Variants in WBP2NL observed in about 807,000 individuals in gnomAD.
WBP2NL encodes WBP2 N-terminal like.
WBP2NL carries 27 observed loss-of-function variants against 23.3 expected under a neutral mutation model. The observed-to-expected ratio is 1.16, with a 90% CI of 0.85 to 1.60. The LOEUF (loss-of-function observed/expected upper bound fraction) is 1.60, where lower values mean the gene tolerates loss of function less well. WBP2NL is among the 40% of genes most tolerant of loss of function. WBP2NL has a pLI of 0.00. For missense variants in WBP2NL, 370 were observed against 389.5 expected (o/e 0.95, Z 0.42); for synonymous variants, 151 against 145.9 (o/e 1.03, Z -0.25).
Position 42,052,845 on chromosome 22 carries a change from T to G in WBP2NL, c.*274-5445T>G, listed in dbSNP as rs565688890. On this transcript the variant is annotated intron_variant and NMD_transcript_variant, in intron 8 of 8. Transcript: ENST00000436265. ...CCTGGATCCTTGAACAGCAGCTAAT[T>G]GTAGGCTCTCTGTATACCTGAAAGG... 1.4e-4 allele frequency among the ~76,000 whole-genome samples: 22 copies of G among 152,224 alleles called. No individual in the cohort carries two copies. In the South Asian group the frequency reaches 4.4e-3, roughly 30 times the overall value.
chr22:42,036,086 A>G (rs892545822), downstream of WBP2NL, among the ~76,000 whole-genome samples: 9 of 152,192 alleles, frequency 5.9e-5, no homozygotes, highest in African/African-American at 2.2e-4. Context: ...GGTTGTTTCC[A>G]TATCTTGACT....
chr22:42,035,263 G>A (rs1165515861), downstream of WBP2NL, among the ~76,000 whole-genome samples: 10 of 152,232 alleles, frequency 6.6e-5, no homozygotes, highest in Admixed American at 2.6e-4. Flanking sequence ...CTGACTTCCC[G>A]CAACAAGGGG....
Position 42,049,705 on chromosome 22 carries a change from C to CAAAA in WBP2NL, c.*274-8562_*274-8559dup, listed in dbSNP as rs1158837575. Among the ~76,000 whole-genome samples, 90 of 37,468 alleles carry CAAAA rather than the reference C, an allele frequency of 2.4e-3. 1 individual carries two copies. Among genetic ancestry groups the CAAAA allele is most frequent in the Middle Eastern group, 0.025 (1 of 40 alleles). The allele number at this position is 37,468 out of a possible 152,430, so 24.6% of individuals were successfully genotyped here. ...ACTCCGTCTCCAAAACAAAACAAAACAAAAAAAAAAAAAAAAAAAAAAAAA... is the reference window on the plus strand; with the variant it reads ...ACTCCGTCTCCAAAACAAAACAAAACAAAAAAAAAAAAAAAAAAAAAAAAAAAAA... On this transcript the variant is annotated intron_variant and NMD_transcript_variant, in intron 8 of 8. Coordinates refer to the WBP2NL transcript ENST00000436265.
At chr22:42,034,984 T>C (rs140051516), downstream of WBP2NL, among the ~76,000 whole-genome samples, 7,657 of 152,174 alleles carry the variant, frequency 0.05, 660 homozygotes, top group African/African-American at 0.17. Flanking sequence ...TTAACGCAAT[T>C]ATTACAGGGT....
chr22:42,057,767 A>G (rs1426814156), intron 8 of WBP2NL, among the ~76,000 whole-genome samples: 2 of 147,518 alleles, frequency 1.4e-5, no homozygotes, highest in African/African-American at 2.5e-5. Flanking sequence ...CTGAACATAG[A>G]TTGGTTATTA....
At chr22:42,001,722 G>A (rs1921710987) in intron 1 of WBP2NL, 1 of 1,214,550 alleles carries the variant, frequency 8.2e-7, no homozygotes, top group Admixed American at 1.7e-5. Context: ...GCCTGGGTGG[G>A]GGAAGTATCT....
At chr22:42,051,542 A>G (rs937748090) in intron 8 of WBP2NL, among the ~76,000 whole-genome samples, 1 of 152,228 alleles carries the variant, frequency 6.6e-6, no homozygotes, top group African/African-American at 2.4e-5. Flanking sequence ...AGTACTATCA[A>G]TTATAACAAA....
chr22:42,033,611 G>C (rs1240847233), downstream of WBP2NL, among the ~76,000 whole-genome samples: 1 of 152,130 alleles, frequency 6.6e-6, no homozygotes, highest in Non-Finnish European at 1.5e-5. Context: ...AGGCCTTGGA[G>C]TGGGTAGCTC....
intron 5 of WBP2NL, among the ~76,000 whole-genome samples, chr22:42,024,378 T>TA (rs1363839093): frequency 6.6e-6 from 1 of 152,222 alleles, no homozygotes; most frequent in African/African-American, 2.4e-5. Flanking sequence ...TTCTGGGTCA[T>TA]ATGTAAATTC....
chr22:42,019,857 G>C, intron 3 of WBP2NL, 54 bp downstream of exon 3: 1 of 1,606,250 alleles, frequency 6.2e-7, no homozygotes, highest in Middle Eastern at 1.7e-4. Context: ...TCTTCTAAAA[G>C]GTTTAAGATT....
chr22:42,042,704 G>T (rs1925439808), intron 8 of WBP2NL, among the ~76,000 whole-genome samples: 1 of 152,162 alleles, frequency 6.6e-6, no homozygotes. Context: ...CTTTGGTGTT[G>T]TCATGTTTCC....
At chr22:42,019,145 C>T (rs926546568) in intron 1 of WBP2NL, among the ~76,000 whole-genome samples, 166 bp from the exon 2 acceptor site, 10 of 151,452 alleles carry the variant, frequency 6.6e-5, no homozygotes, top group South Asian at 2.1e-4. Flanking sequence ...GGTGTGAACC[C>T]GGGAGGCGGA....
chr22:42,031,380 A>G (rs1010369110), downstream of WBP2NL: 9 of 152,096 alleles, frequency 5.9e-5, no homozygotes, highest in Non-Finnish European at 1.0e-4. Flanking sequence ...TCAGCTCCTC[A>G]CTGACGTTTT....
chr22:42,021,859 C>T (rs1158474043), intron 4 of WBP2NL, among the ~76,000 whole-genome samples: 3 of 149,770 alleles, frequency 2.0e-5, no homozygotes, highest in Non-Finnish European at 4.4e-5. Context: ...TGCAGTGGCA[C>T]AGATAAGGCT....
At position 42,027,061 on chromosome 22, in the gene WBP2NL, T is replaced by C. The variant is rs1480048192; in HGVS notation, c.810T>C (p.Pro270=). Residue 270 remains proline, a synonymous_variant, in exon 6 of 6, where the codon CCT becomes CCC. Coordinates refer to ENST00000328823, the MANE Select transcript of WBP2NL (RefSeq NM_152613.3). ...CACCTGCAGGAAATGAAGGCCCGCC[T>C]GCGGGATACAGAGCCTCACCTGCTG... is the stretch of plus-strand genomic sequence containing the variant. ...GAPPAGNEGP[P]AGYRASPAGS... The C allele has an allele frequency of 3.1e-6, 5 of 1,614,220 alleles. No individual in the cohort carries two copies. The East Asian group carries it at 1.1e-4, about 36-fold the overall frequency.
intron 1 of WBP2NL, among the ~76,000 whole-genome samples, chr22:42,012,527 T>C (rs981863320): frequency 6.6e-6 from 1 of 152,216 alleles, no homozygotes; most frequent in African/African-American, 2.4e-5. Flanking sequence ...GTGCTGTTGA[T>C]TTCTAGTTTC....
chr22:42,044,145 G>T (rs1925497243), intron 8 of WBP2NL, among the ~76,000 whole-genome samples: 1 of 152,168 alleles, frequency 6.6e-6, no homozygotes, highest in Non-Finnish European at 1.5e-5. Context: ...TTGCTCTCCT[G>T]TTTCACCAAG....
At chr22:42,058,322 C>G (rs1278891063) in exon 9 of WBP2NL, 1 of 151,942 alleles carries the variant, frequency 6.6e-6, no homozygotes, top group Non-Finnish European at 1.5e-5. Context: ...AGAGCATGTG[C>G]AGGAAGAGAG....
chr22:42,010,309 C>T (rs183488684), intron 1 of WBP2NL, among the ~76,000 whole-genome samples: 24 of 152,062 alleles, frequency 1.6e-4, no homozygotes, highest in African/African-American at 5.8e-4. Flanking sequence ...TTATTTTTTG[C>T]CTAATTGCTC....
Sources: allele counts gnomAD v4.1 joint callset (sites outside exome capture counted in the v4.1 genomes callset), GRCh38; gene constraint gnomAD v4.1.1; transcripts MANE v1.5; gene names NCBI Gene and HGNC (gene_info 2026-07-23, HGNC 2026-07-21).